The following IKBKB variants were observed in gnomAD, a reference collection of about 807,000 sequenced individuals.
IKBKB encodes the protein inhibitor of nuclear factor kappa-B kinase subunit beta.
In IKBKB, 42 loss-of-function variants were observed where a neutral mutation model predicts 113.6. The observed-to-expected ratio is 0.37, with a 90% CI of 0.29 to 0.48. IKBKB has a LOEUF of 0.48. Ranked by LOEUF, IKBKB falls within the 20% of genes least tolerant of loss-of-function variation. IKBKB has a pLI of 0.99. For synonymous variants in IKBKB, 296 were observed against 361.3 expected, an observed-to-expected ratio of 0.82 and a Z score of 2.05; for missense variants, 673 against 939.7, an observed-to-expected ratio of 0.72 and a Z score of 3.71.
Position 42,331,633 on chromosome 8 carries a change from G to A in IKBKB, c.*654G>A, listed in dbSNP as rs1821698222. The A allele has an allele frequency of 7.1e-6, 4 of 561,416 alleles. No individual in the cohort carries two copies. The highest frequency in any genetic ancestry group is 3.2e-5 in the Admixed American group (1 of 31,700). 34.8% of individuals were successfully genotyped at this position (561,416 alleles called of 1,614,324 possible). A position where few individuals can be genotyped will look rare whatever the true frequency, so the allele number is the denominator to read the frequency against. On this transcript the variant is annotated 3_prime_UTR_variant, in exon 22 of 22. Transcript: ENST00000520810. ...CTACTTTGGTGGTTGTCCTCTTTTC[G>A]GCAAAGTTGGAGCGAGTGCCAAGCT...
chr8:42,280,938 G>A (rs565880608), intron 2 of IKBKB, among the ~76,000 whole-genome samples: 1 of 152,228 alleles, frequency 6.6e-6, no homozygotes, highest in East Asian at 1.9e-4. Flanking sequence ...GGGATTTATA[G>A]AGCCTGGGCC....
rs191865924 is a variant in IKBKB, at chr8:42,301,390, A to G, written c.389-3797A>G. On this transcript the variant is annotated intron_variant, in intron 5 of 21. Coordinates refer to ENST00000520810, the MANE Select transcript of IKBKB (RefSeq NM_001556.3). The stretch of plus-strand genomic sequence containing the variant: ...GTCTCATTTTTCATCAAATTTAAAC[A>G]AAGTTAGATTCTCTGGGCTTGAAAC... 9.5e-3 allele frequency among the ~76,000 whole-genome samples: 1,452 copies of G among 152,352 alleles called. 7 individuals are homozygous for G. The highest frequency in any genetic ancestry group is 0.016 in the Non-Finnish European group (1,080 of 68,026).
intron 21 of IKBKB, chr8:42,330,397 G>A (rs1370848071): frequency 2.4e-6 from 2 of 835,384 alleles, no homozygotes; most frequent in African/African-American, 3.7e-5. Flanking sequence ...TGTTGCCCAG[G>A]CTGGTCTTGA....
chr8:42,305,965 C>T (rs753307920), intron 6 of IKBKB, among the ~76,000 whole-genome samples: 3 of 152,246 alleles, frequency 2.0e-5, no homozygotes, highest in Non-Finnish European at 4.4e-5. Context: ...TTCACCCTCA[C>T]TCCTGTCAGT....
intron 2 of IKBKB, among the ~76,000 whole-genome samples, chr8:42,288,375 A>C (rs1811854711): frequency 7.2e-6 from 1 of 138,574 alleles, no homozygotes; most frequent in Admixed American, 8.1e-5. Flanking sequence ...CGACAGAGCA[A>C]GACTCCATCT....
Position 42,290,271 on chromosome 8 carries a change from A to G in IKBKB, c.316A>G (p.Lys106Glu). The G allele has an allele frequency of 6.2e-7, 1 of 1,605,794 alleles. No homozygotes were observed. Among genetic ancestry groups the G allele is most frequent in the Non-Finnish European group, 8.5e-7 (1 of 1,173,092 alleles). ...GTACTGCCAAGGAGGAGATCTCCGGAAGGTGAGGCTCCCACGGCTGCCAGG... is the reference window on the plus strand; with the variant it reads ...GTACTGCCAAGGAGGAGATCTCCGGGAGGTGAGGCTCCCACGGCTGCCAGG... ...MEYCQGGDLRKYLNQFENCCG... is the reference protein window; with the variant it reads ...MEYCQGGDLREYLNQFENCCG... Residue 106 changes from lysine (K) to glutamate (E), a missense_variant and splice_region_variant, in exon 4 of 22, where the codon AAG becomes GAG. Lys to Glu is a moderately conservative substitution (Grantham distance 56, BLOSUM62 1). Coordinates refer to ENST00000520810, the MANE Select transcript of IKBKB (RefSeq NM_001556.3).
At chr8:42,309,121 G>A in intron 8 of IKBKB, 96 bp downstream of exon 8, 1 of 1,345,540 alleles carries the variant, frequency 7.4e-7, no homozygotes, top group Non-Finnish European at 1.0e-6. Flanking sequence ...ACCGGGCCTG[G>A]GAGATCTGTG....
At chr8:42,321,254 T>C (rs1168948933) in intron 16 of IKBKB, 1 of 163,196 alleles carries the variant, frequency 6.1e-6, no homozygotes, top group African/African-American at 2.4e-5. Flanking sequence ...AACTATTCGT[T>C]TGAGTCTTTG....
rs373228048 is a variant in IKBKB, at chr8:42,328,100, G to A, written c.2115-1024G>A. ...GCTGGGATTACAGGCGTGAGCCACC[G>A]CGCCCGGCCAATTTTGTATTTTTAT... On this transcript the variant is annotated intron_variant, in intron 20 of 21. Transcript: ENST00000520810. Among the ~76,000 whole-genome samples the A allele has an allele frequency of 1.1e-4, 2 of 18,170 alleles. 1 individual carries two copies. Among genetic ancestry groups the A allele is most frequent in the African/African-American group, 1.2e-4 (2 of 16,324 alleles). 11.9% of individuals were successfully genotyped at this position (18,170 alleles called of 152,430 possible). A position where few individuals can be genotyped will look rare whatever the true frequency, so the allele number is the denominator to read the frequency against.
intron 19 of IKBKB, 65 bp from the exon 20 acceptor site, chr8:42,325,905 T>G (rs1262006068): frequency 6.2e-7 from 1 of 1,601,020 alleles, no homozygotes; most frequent in African/African-American, 1.3e-5. Context: ...AAGAAAATAC[T>G]GTGGCGTGAA....
At chr8:42,286,511 A>C (rs1049994211) in intron 2 of IKBKB, among the ~76,000 whole-genome samples, 9 of 151,826 alleles carry the variant, frequency 5.9e-5, no homozygotes, top group Non-Finnish European at 1.0e-4. Context: ...TTTGTTTTGA[A>C]ACAGGGTCTT....
In IKBKB at chr8:42,271,330, A is replaced by G. The variant is rs1007691818; in HGVS notation, c.-158A>G. On this transcript the variant is annotated 5_prime_UTR_variant, in exon 1 of 22. Coordinates refer to ENST00000520810, the MANE Select transcript of IKBKB (RefSeq NM_001556.3). ...ACGTCAGAGCAGGAAGTGTTTGAGGAAGTCGCGCCGCGCTGCCCGCGTTAA... is the reference window on the plus strand; with the variant it reads ...ACGTCAGAGCAGGAAGTGTTTGAGGGAGTCGCGCCGCGCTGCCCGCGTTAA... 3 of 1,088,456 alleles carry G rather than the reference A, an allele frequency of 2.8e-6. No individual in the cohort carries two copies. In the African/African-American group the frequency reaches 4.7e-5, roughly 17 times the overall value. The allele number at this position is 1,088,456 out of a possible 1,614,324, so 67.4% of individuals were successfully genotyped here. A position where few individuals can be genotyped will look rare whatever the true frequency, so the allele number is the denominator to read the frequency against.
At chr8:42,306,746 C>T (rs929931306) in intron 7 of IKBKB, among the ~76,000 whole-genome samples, 40 of 152,328 alleles carry the variant, frequency 2.6e-4, no homozygotes, top group Non-Finnish European at 5.9e-4. Flanking sequence ...TGGTCTTGAG[C>T]GGTCCTCCCA....
intron 15 of IKBKB, 56 bp downstream of exon 15, chr8:42,319,702 C>G: frequency 2.2e-6 from 3 of 1,375,820 alleles, no homozygotes; most frequent in Non-Finnish European, 3.0e-6. Flanking sequence ...TTTTGTGCTC[C>G]CACTTTTCAC....
intron 15 of IKBKB, chr8:42,320,306 C>T (rs1029399272): frequency 1.7e-5 from 3 of 174,202 alleles, no homozygotes; most frequent in East Asian, 1.8e-4. Flanking sequence ...TGCTCCTCCC[C>T]ATCTTGGGAC....
chr8:42,314,143 A>G, intron 8 of IKBKB, 179 bp from the exon 9 acceptor site: 2 of 614,540 alleles, frequency 3.3e-6, no homozygotes, highest in Non-Finnish European at 5.9e-6. Context: ...AGCATGCTGT[A>G]CAGGTTTGTA....
chr8:42,315,266 G>A (rs1258160051), intron 9 of IKBKB, among the ~76,000 whole-genome samples: 1 of 152,230 alleles, frequency 6.6e-6, no homozygotes, highest in Non-Finnish European at 1.5e-5. Flanking sequence ...GAGTGACATG[G>A]ATAATGATTA....
At chr8:42,306,875 C>G (rs1816648226) in intron 7 of IKBKB, among the ~76,000 whole-genome samples, 1 of 152,180 alleles carries the variant, frequency 6.6e-6, no homozygotes, top group African/African-American at 2.4e-5. Flanking sequence ...GAGCTCCCCA[C>G]CCTTTGTTTA....
At position 42,329,050 on chromosome 8, in the gene IKBKB, A is replaced by G. The variant is rs148879235; in HGVS notation, c.2115-74A>G. 2.6e-4 allele frequency: 296 copies of G among 1,147,156 alleles called. No individual in the cohort carries two copies. The African/African-American group carries it at 4.1e-3, about 16-fold the overall frequency. The allele number at this position is 1,147,156 out of a possible 1,614,324, so 71.1% of individuals were successfully genotyped here. On this transcript the variant is annotated intron_variant, in intron 20 of 21. Transcript: ENST00000520810. ...AAAAGTATTATCAAAACTCTCTAGC[A>G]TATTTTAAAATAGCAGTGTTAGCTC... is the stretch of plus-strand genomic sequence containing the variant.
Sources: allele counts gnomAD v4.1 joint callset (sites outside exome capture counted in the v4.1 genomes callset), GRCh38; gene constraint gnomAD v4.1.1; transcripts MANE v1.5; gene names NCBI Gene and HGNC (gene_info 2026-07-23, HGNC 2026-07-21).